VSX2: variants seen among roughly 807,000 people sequenced by gnomAD.
The protein encoded by VSX2 is visual system homeobox 2, also known as ceh-10 homeo domain containing homolog.
In VSX2, 28 loss-of-function variants were observed where a neutral mutation model predicts 32.1. The ratio of observed to expected loss-of-function variants is 0.87; its 90% CI spans 0.65 to 1.20. The LOEUF (loss-of-function observed/expected upper bound fraction) is 1.20, where lower values mean the gene tolerates loss of function less well. Among genes scored for constraint, VSX2 ranks in the 50% most tolerant of loss-of-function variants. VSX2 has a pLI of 0.00. For synonymous variants in VSX2, 243 were observed against 214.1 expected (o/e 1.14, Z -1.18); for missense variants, 506 against 488.7 (o/e 1.04, Z -0.33).
At chr14:74,258,816 G>C (rs10151881) in intron 3 of VSX2, among the ~76,000 whole-genome samples, 1 of 152,188 alleles carries the variant, frequency 6.6e-6, no homozygotes, top group African/African-American at 2.4e-5. Flanking sequence ...TGGGGCCAGA[G>C]ACACATTCGC....
rs1205909190 is a variant in VSX2, at chr14:74,239,750, G to C, written c.189G>C (p.Ala63=). Residue 63 remains alanine, a synonymous_variant, in exon 1 of 5, where the codon GCG becomes GCC. Coordinates refer to ENST00000261980, the MANE Select transcript of VSX2 (RefSeq NM_182894.3). ...LDGLAPGHLL[A]ARSVLSPAGV... The stretch of plus-strand genomic sequence containing the variant: ...GCCTGGCCCCCGGGCACTTGCTGGC[G>C]GCGCGCTCAGTGCTCAGCCCCGCGG... 6.5e-7 allele frequency: 1 copy of C among 1,550,296 alleles called. No individual in the cohort carries two copies. Among genetic ancestry groups the C allele is most frequent in the Non-Finnish European group, 8.7e-7 (1 of 1,147,484 alleles).
intron 2 of VSX2, among the ~76,000 whole-genome samples, chr14:74,244,654 C>A (rs915337668): frequency 6.6e-6 from 1 of 151,976 alleles, no homozygotes. Context: ...ATCTGGTAAG[C>A]CCCTCTTCTC....
intron 1 of VSX2, among the ~76,000 whole-genome samples, chr14:74,240,149 C>T (rs978411125): frequency 6.6e-6 from 1 of 152,214 alleles, no homozygotes; most frequent in African/African-American, 2.4e-5. Flanking sequence ...CGGGCGGCCG[C>T]GCAGTTCTCC....
intron 3 of VSX2, among the ~76,000 whole-genome samples, chr14:74,246,233 G>A (rs986340328): frequency 6.6e-6 from 1 of 152,212 alleles, no homozygotes; most frequent in Non-Finnish European, 1.5e-5. Flanking sequence ...GGAGGCTGGG[G>A]TGTGTGGGCC....
chr14:74,241,223 T>A lies in VSX2; in HGVS notation c.412T>A (p.Ser138Thr), dbSNP rs1566883230. Residue 138 changes from serine to threonine, a missense_variant, in exon 2 of 5, where the codon TCT becomes ACT. Physicochemically the swap from Ser to Thr is moderately conservative, Grantham distance 58. Coordinates refer to ENST00000261980, the MANE Select transcript of VSX2 (RefSeq NM_182894.3). ...VSSSDRKMSK[S>T]ALNQTKKRKK... ...CTCCAGCGATCGAAAAATGTCCAAA[T>A]CTGCTTTAAACCAGACCAAGAAACG... 6.2e-7 allele frequency: 1 copy of A among 1,613,486 alleles called. No individual in the cohort carries two copies. Among genetic ancestry groups the A allele is most frequent in the Non-Finnish European group, 8.5e-7 (1 of 1,180,000 alleles).
chr14:74,241,617 C>T (rs960344397), intron 2 of VSX2, among the ~76,000 whole-genome samples: 10 of 152,352 alleles, frequency 6.6e-5, no homozygotes, highest in Admixed American at 5.2e-4. Flanking sequence ...CGGCGGCGGG[C>T]AGATTAGCTC....
chr14:74,245,261 A>G lies in VSX2; in HGVS notation c.552A>G (p.Lys184=), dbSNP rs764023843. 2.5e-6 allele frequency: 4 copies of G among 1,613,176 alleles called. No homozygotes were observed. The highest frequency in any genetic ancestry group is 3.4e-6 in the Non-Finnish European group (4 of 1,179,814). Residue 184 remains lysine (K), a synonymous_variant, in exon 3 of 5, where the codon AAA becomes AAG. Transcript: ENST00000261980. ...DVYAREMLAM[K]TELPEDRIQV... ...ATGCCCGGGAGATGCTGGCCATGAA[A>G]ACGGAGCTGCCGGAAGACAGGATAC...
chr14:74,260,654 G>A lies in VSX2; in HGVS notation c.821G>A (p.Arg274His), dbSNP rs369647679. The change falls in exon 5 of 5, where the codon CGC (arginine) becomes CAC (histidine). Residue 274 changes from arginine (R) to histidine (H), a missense_variant. Physicochemically the swap from Arg to His is conservative, Grantham distance 29. Coordinates refer to ENST00000261980, the MANE Select transcript of VSX2 (RefSeq NM_182894.3). ...AESGRKPEGE[R>H]QALPKLDKME... ...TCGGGGAGGAAGCCCGAGGGGGAAC[G>A]CCAGGCCCTGCCCAAGCTCGACAAG... 94 of 1,602,980 alleles carry A rather than the reference G, an allele frequency of 5.9e-5. 1 individual carries two copies. Among genetic ancestry groups the A allele is most frequent in the African/African-American group, 2.5e-4 (19 of 74,832 alleles).
chr14:74,253,067 A>G (rs1272448914), intron 3 of VSX2, among the ~76,000 whole-genome samples: 6 of 144,834 alleles, frequency 4.1e-5, no homozygotes, highest in Non-Finnish European at 7.5e-5. Context: ...AAAAAAAAAA[A>G]GGAAAAGAGA....
At chr14:74,256,416 G>A (rs989716284) in intron 3 of VSX2, among the ~76,000 whole-genome samples, 3 of 152,242 alleles carry the variant, frequency 2.0e-5, no homozygotes, top group African/African-American at 7.2e-5. Context: ...GGGTGACAGA[G>A]CAAGATTCCA....
rs751020230 is a variant in VSX2 at position 74,259,590 on chromosome 14, G to T, written c.580-12G>T. On this transcript the variant is annotated splice_polypyrimidine_tract_variant and intron_variant, in intron 3 of 4. Coordinates refer to ENST00000261980, the MANE Select transcript of VSX2 (RefSeq NM_182894.3). ...TCAGAGCAAGCCTCTGACCTGTTCT[G>T]TGCACCTGCAGGTCTGGTTCCAGAA... 13 of 1,614,070 alleles carry T rather than the reference G, an allele frequency of 8.1e-6. 1 individual carries two copies. The African/African-American group carries it at 1.2e-4, about 15-fold the overall frequency.
chr14:74,248,951 G>C (rs773744949), intron 3 of VSX2, among the ~76,000 whole-genome samples: 1 of 152,190 alleles, frequency 6.6e-6, no homozygotes, highest in Non-Finnish European at 1.5e-5. Context: ...GTGCAGGGCA[G>C]GTTAAGTTTA....
intron 3 of VSX2, among the ~76,000 whole-genome samples, chr14:74,257,914 G>C (rs536482273): frequency 7.6e-4 from 116 of 152,296 alleles, no homozygotes; most frequent in African/African-American, 2.7e-3. Context: ...GCGCCAGACG[G>C]CAAGCAATTT....
rs1360662022 is a variant in VSX2, at chr14:74,262,044, G to C, written c.*1125G>C. ...AACCTTCACTCCAGACAGACAGGGG[G>C]CTAAGGGGCTAGGGCTGAGCACCTC... On this transcript the variant is annotated 3_prime_UTR_variant, in exon 5 of 5. Transcript: ENST00000261980. The C allele has an allele frequency of 6.6e-6, 1 of 152,568 alleles. No homozygotes were observed. The highest frequency in any genetic ancestry group is 2.4e-5 in the African/African-American group (1 of 41,584). The allele number at this position is 152,568 out of a possible 1,614,324, so 9.5% of individuals were successfully genotyped here. A position where few individuals can be genotyped will look rare whatever the true frequency, so the allele number is the denominator to read the frequency against.
At chr14:74,240,863 A>C (rs8020554) in intron 1 of VSX2, among the ~76,000 whole-genome samples, 3,207 of 152,226 alleles carry the variant, frequency 0.021, 117 homozygotes, top group African/African-American at 0.073. Flanking sequence ...AGGGCGCAGC[A>C]GGGTCGCGAG....
intron 3 of VSX2, 62 bp from the exon 4 acceptor site, chr14:74,259,540 G>T: frequency 6.2e-7 from 1 of 1,604,246 alleles, no homozygotes; most frequent in Non-Finnish European, 8.5e-7. Flanking sequence ...CCTACAAGGG[G>T]TAAGGGCCTT....
chr14:74,247,925 T>A (rs1246385480), intron 3 of VSX2, among the ~76,000 whole-genome samples: 1 of 152,140 alleles, frequency 6.6e-6, no homozygotes, highest in East Asian at 1.9e-4. Context: ...GCAGCCCACC[T>A]GTGTCTTTCA....
At chr14:74,260,542 G>A (rs1047245946) in intron 4 of VSX2, 52 bp from the exon 5 acceptor site, 2 of 1,541,920 alleles carry the variant, frequency 1.3e-6, no homozygotes, top group Non-Finnish European at 8.8e-7. Flanking sequence ...TTCAGTTCAA[G>A]ATGGCTTTCC....
At chr14:74,244,971 TGTGTGTGTGTGAGAGA>T (rs1348732352) in intron 2 of VSX2, among the ~76,000 whole-genome samples, 178 bp from the exon 3 acceptor site, 8 of 81,658 alleles carry the variant, frequency 9.8e-5, no homozygotes, top group Admixed American at 1.3e-4. Context: ...TGTGTGTGTG[TGTGTGTGTGTGAGAGA>T]GAGAGAGAGA....
Sources: allele counts gnomAD v4.1 joint callset (sites outside exome capture counted in the v4.1 genomes callset), GRCh38; gene constraint gnomAD v4.1.1; transcripts MANE v1.5; gene names NCBI Gene and HGNC (gene_info 2026-07-23, HGNC 2026-07-21).